The following PDZRN4 variants were observed in gnomAD, a reference collection of about 807,000 sequenced individuals.
PDZRN4 encodes the protein PDZ domain-containing RING finger protein 4.
PDZRN4 carries 70 observed loss-of-function variants against 99.0 expected under a neutral mutation model. The ratio of observed to expected loss-of-function variants is 0.71; its 90% CI spans 0.58 to 0.86. The LOEUF (loss-of-function observed/expected upper bound fraction) is 0.86, where lower values mean the gene tolerates loss of function less well. Among genes scored for constraint, PDZRN4 ranks in the 40% least tolerant of loss-of-function variants. The pLI is 0.00. For missense variants in PDZRN4, 1,474 were observed against 1,331.2 expected (o/e 1.11, Z -1.67); for synonymous variants, 551 against 501.6 (o/e 1.10, Z -1.32).
intron 5 of PDZRN4, among the ~76,000 whole-genome samples, chr12:41,517,151 T>C (rs1428470063): frequency 1.3e-5 from 2 of 152,066 alleles, no homozygotes; most frequent in African/African-American, 4.8e-5. Flanking sequence ...GCCTCACTGA[T>C]TGTGACAACA....
chr12:41,520,043 T>G (rs2120711520), intron 5 of PDZRN4, among the ~76,000 whole-genome samples: 1 of 152,268 alleles, frequency 6.6e-6, no homozygotes, highest in East Asian at 1.9e-4. Flanking sequence ...CTTGGTTTTT[T>G]GTTTTTGTTC....
At chr12:41,552,032 C>T (rs959079286) in intron 5 of PDZRN4, among the ~76,000 whole-genome samples, 2 of 152,100 alleles carry the variant, frequency 1.3e-5, no homozygotes, top group Non-Finnish European at 2.9e-5. Context: ...GAATCATTGC[C>T]TCTGCCCCAA....
rs888872840 is a variant in PDZRN4 at position 41,563,535 on chromosome 12, A to G, written c.1366-13A>G. On this transcript the variant is annotated splice_polypyrimidine_tract_variant and intron_variant, in intron 7 of 9. Transcript: ENST00000402685. ...AAATGGAAACTAATGTGCCACTCTC[A>G]TTTGTTTTCTAGATAAATGGGGAAG... 16 of 1,592,944 alleles carry G rather than the reference A, an allele frequency of 1.0e-5. No homozygotes were observed. Among genetic ancestry groups the G allele is most frequent in the Non-Finnish European group, 1.4e-5 (16 of 1,161,060 alleles).
At chr12:41,571,335 GTCTCTCTCTCTCTCTCTCTCTC>G (rs752003607) in intron 9 of PDZRN4, among the ~76,000 whole-genome samples, 10 of 101,278 alleles carry the variant, frequency 9.9e-5, no homozygotes, top group African/African-American at 3.3e-4. Context: ...AATTACCAGA[GTCTCTCTCTCTCTCTCTCTCTC>G]TCTCTCTCTC....
intron 3 of PDZRN4, among the ~76,000 whole-genome samples, chr12:41,394,295 A>T (rs117467854): frequency 0.013 from 1,935 of 152,242 alleles, 23 homozygotes; most frequent in Middle Eastern, 0.037. Flanking sequence ...CAGTATATGA[A>T]TCTTGGGAGG....
chr12:41,466,769 G>GGTATT (rs1952930234), intron 3 of PDZRN4, among the ~76,000 whole-genome samples: 1 of 62,486 alleles, frequency 1.6e-5, no homozygotes, highest in African/African-American at 6.7e-5. Context: ...TTTTTTTTTT[G>GGTATT]GTTTTGTTTT....
At chr12:41,201,775 G>C (rs185900702) in intron 3 of PDZRN4, among the ~76,000 whole-genome samples, 86 of 152,152 alleles carry the variant, frequency 5.7e-4, no homozygotes, top group Non-Finnish European at 9.4e-4. Flanking sequence ...TGTTTCTTAA[G>C]TTGTAAGATC....
At chr12:41,294,324 A>T (rs1198078004) in intron 3 of PDZRN4, among the ~76,000 whole-genome samples, 1 of 152,172 alleles carries the variant, frequency 6.6e-6, no homozygotes, top group African/African-American at 2.4e-5. Context: ...CAATATTATT[A>T]TGTGTATGAA....
intron 3 of PDZRN4, among the ~76,000 whole-genome samples, chr12:41,233,168 C>A (rs529727385): frequency 6.6e-5 from 10 of 152,136 alleles, no homozygotes; most frequent in South Asian, 4.1e-4. Context: ...ATTTATGCAG[C>A]CAAAAAACAC....
rs376121891 is a variant in PDZRN4, at chr12:41,488,582, T to G, written c.844-17874T>G. On this transcript the variant is annotated intron_variant, in intron 3 of 9. Coordinates refer to ENST00000402685, the MANE Select transcript of PDZRN4 (RefSeq NM_001164595.2). ...TAATGGCAGCTCAAGAAACCTGGCG[T>G]GTAGTCACTGATAGACAATGACAGC... 3.3e-5 allele frequency among the ~76,000 whole-genome samples: 5 copies of G among 152,102 alleles called. No individual in the cohort carries two copies. In the East Asian group the frequency reaches 5.8e-4, roughly 18 times the overall value.
chr12:41,392,584 T>A (rs1226142402), intron 3 of PDZRN4, among the ~76,000 whole-genome samples: 1 of 152,196 alleles, frequency 6.6e-6, no homozygotes, highest in Non-Finnish European at 1.5e-5. Flanking sequence ...CCATTATTCC[T>A]TTCAGAATGT....
chr12:41,568,386 T>C (rs1386781114), intron 9 of PDZRN4, among the ~76,000 whole-genome samples: 2 of 152,230 alleles, frequency 1.3e-5, no homozygotes, highest in East Asian at 3.8e-4. Context: ...CTGTATATTC[T>C]GAATAATCGT....
At chr12:41,460,069 T>A in intron 3 of PDZRN4, 1 of 1,283,846 alleles carries the variant, frequency 7.8e-7, no homozygotes, top group South Asian at 1.3e-5. Flanking sequence ...TGTGAATGAG[T>A]GGTAAATTTT....
chr12:41,381,315 T>C (rs1427770640), intron 3 of PDZRN4, among the ~76,000 whole-genome samples: 1 of 151,938 alleles, frequency 6.6e-6, no homozygotes, highest in African/African-American at 2.4e-5. Context: ...TCTGCAACTT[T>C]CTCTCTCTCT....
chr12:41,202,087 G>A (rs1210058367), intron 3 of PDZRN4, among the ~76,000 whole-genome samples: 5 of 152,114 alleles, frequency 3.3e-5, no homozygotes, highest in African/African-American at 2.4e-5. Context: ...GATTGCAGAG[G>A]AACTAAAAAG....
chr12:41,396,397 ATTGTTG>A (rs141772109), intron 3 of PDZRN4, among the ~76,000 whole-genome samples: 41 of 151,846 alleles, frequency 2.7e-4, no homozygotes, highest in African/African-American at 4.6e-4. Flanking sequence ...AGCGTTTGCT[ATTGTTG>A]TTGTTGTTGT....
At chr12:41,350,851 G>T (rs550170170) in intron 3 of PDZRN4, among the ~76,000 whole-genome samples, 1 of 148,286 alleles carries the variant, frequency 6.7e-6, no homozygotes, top group South Asian at 2.1e-4. Context: ...GAGTTTGTCT[G>T]ACCCAGAAGC....
At chr12:41,379,030 T>G (rs1339242785) in intron 3 of PDZRN4, among the ~76,000 whole-genome samples, 2 of 152,174 alleles carry the variant, frequency 1.3e-5, no homozygotes, top group Non-Finnish European at 2.9e-5. Context: ...GGGAGGCTGT[T>G]GATTACCAAT....
chr12:41,388,001 A>G (rs544458839), intron 3 of PDZRN4, among the ~76,000 whole-genome samples: 6 of 152,364 alleles, frequency 3.9e-5, no homozygotes, highest in African/African-American at 1.2e-4. Flanking sequence ...TATCCACAAT[A>G]GCAAATACAT....
Sources: allele counts gnomAD v4.1 joint callset (sites outside exome capture counted in the v4.1 genomes callset), GRCh38; gene constraint gnomAD v4.1.1; transcripts MANE v1.5; gene names NCBI Gene and HGNC (gene_info 2026-07-23, HGNC 2026-07-21).